The following MTCL1 variants were observed in gnomAD, a reference collection of about 807,000 sequenced individuals.
The protein encoded by MTCL1 is microtubule crosslinking factor 1.
In MTCL1, 79 loss-of-function variants were observed where a neutral mutation model predicts 141.4. That is an observed-to-expected ratio of 0.56 (90% CI 0.47 to 0.67). The LOEUF is 0.67. Among genes scored for constraint, MTCL1 ranks in the 30% least tolerant of loss-of-function variants. MTCL1 has a pLI of 0.00. For synonymous variants in MTCL1, 914 were observed against 875.8 expected, an observed-to-expected ratio of 1.04 and a Z score of -0.77; for missense variants, 2,177 against 2,113.9, an observed-to-expected ratio of 1.03 and a Z score of -0.59.
At chr18:8,725,790 C>CTTTTTTTT (rs796484848) in intron 4 of MTCL1, among the ~76,000 whole-genome samples, 7 of 61,074 alleles carry the variant, frequency 1.1e-4, no homozygotes, top group Non-Finnish European at 1.7e-4. Context: ...TTTTTTTTTT[C>CTTTTTTTT]TTTTTTTTTT....
rs1000871034 is a variant in MTCL1 at position 8,810,969 on chromosome 18, G to A, written c.2605-2010G>A. 6.6e-6 allele frequency among the ~76,000 whole-genome samples: 1 copy of A among 152,098 alleles called. No individual in the cohort carries two copies. The highest frequency in any genetic ancestry group is 6.5e-5 in the Admixed American group (1 of 15,272). On this transcript the variant is annotated intron_variant, in intron 11 of 16. Transcript: ENST00000359865. The surrounding 1 kb of genome is among the most constrained non-coding windows in gnomAD (Gnocchi z 5.0). Reference sequence around the variant, plus strand: ...GCATTTGCCTTTATTACAGAGGCGAGATTCGATGTTAGCTCTCTCCCAGTG... The same window carrying A: ...GCATTTGCCTTTATTACAGAGGCGAAATTCGATGTTAGCTCTCTCCCAGTG...
chr18:8,775,782 C>G lies in MTCL1; in HGVS notation c.358-2051C>G, dbSNP rs142780340. The stretch of plus-strand genomic sequence containing the variant: ...CCTTCTGCAGCTGGGGTTCCTTCCA[C>G]CTTTGTTAGTCAGGGAGCCTGCTGC... On this transcript the variant is annotated intron_variant, in intron 4 of 16. Transcript: ENST00000359865. 3.1e-3 allele frequency among the ~76,000 whole-genome samples: 475 copies of G among 152,234 alleles called. 7 individuals are homozygous for G. Among genetic ancestry groups the G allele is most frequent in the African/African-American group, 0.011 (454 of 41,546 alleles).
chr18:8,751,330 T>C (rs936937820), intron 4 of MTCL1, among the ~76,000 whole-genome samples: 2 of 152,176 alleles, frequency 1.3e-5, no homozygotes, highest in African/African-American at 4.8e-5. Context: ...AAGTTTTGCA[T>C]GCGTAGACAT....
At chr18:8,827,588 C>G (rs2077065711) in intron 15 of MTCL1, among the ~76,000 whole-genome samples, 3 of 152,166 alleles carry the variant, frequency 2.0e-5, no homozygotes, top group Non-Finnish European at 4.4e-5. Flanking sequence ...GCTACTGTTA[C>G]CCCATCCTTC....
At chr18:8,800,640 G>T (rs1033221503) in intron 10 of MTCL1, 1 of 152,216 alleles carries the variant, frequency 6.6e-6, no homozygotes, top group Non-Finnish European at 1.5e-5. Context: ...CTGCGCACAC[G>T]CAAGAGGGAA....
intron 7 of MTCL1, among the ~76,000 whole-genome samples, chr18:8,791,981 T>C (rs1568046057): frequency 6.6e-6 from 1 of 152,222 alleles, no homozygotes; most frequent in Non-Finnish European, 1.5e-5. Flanking sequence ...TCTGCTCTTT[T>C]ATTTTTTGCA....
intron 4 of MTCL1, among the ~76,000 whole-genome samples, chr18:8,738,411 G>C (rs2096284541): frequency 6.6e-6 from 1 of 152,100 alleles, no homozygotes; most frequent in Non-Finnish European, 1.5e-5. Context: ...CATTTTTGTA[G>C]GTACTTTTAA....
At chr18:8,816,647 C>G (rs2076665197) in intron 12 of MTCL1, among the ~76,000 whole-genome samples, 1 of 152,212 alleles carries the variant, frequency 6.6e-6, no homozygotes, top group African/African-American at 2.4e-5. Context: ...GTCATCCATT[C>G]ATTCTCCTTC....
chr18:8,759,775 T>A (rs111616755), intron 4 of MTCL1, among the ~76,000 whole-genome samples: 4 of 152,268 alleles, frequency 2.6e-5, no homozygotes, highest in Admixed American at 6.5e-5. Context: ...ACCAGTAATC[T>A]AGAAAATGCC....
At chr18:8,736,261 A>T (rs2148888805) in intron 4 of MTCL1, among the ~76,000 whole-genome samples, 1 of 152,334 alleles carries the variant, frequency 6.6e-6, no homozygotes, top group Non-Finnish European at 1.5e-5. Flanking sequence ...CATGCATCTT[A>T]AAATCAGTGA....
exon 1 of MTCL1, chr18:8,706,497 T>G: frequency 7.7e-7 from 1 of 1,297,580 alleles, no homozygotes; most frequent in Non-Finnish European, 9.7e-7. Flanking sequence ...CGGGCGCCTG[T>G]CCCGGGGGCC....
At chr18:8,735,511 C>T (rs553618463) in intron 4 of MTCL1, among the ~76,000 whole-genome samples, 10 of 152,198 alleles carry the variant, frequency 6.6e-5, no homozygotes, top group African/African-American at 2.2e-4. Flanking sequence ...CTTCAAAGGC[C>T]GGGTTTCATT....
upstream of MTCL1, among the ~76,000 whole-genome samples, chr18:8,714,032 T>C (rs1190101978): frequency 9.9e-5 from 15 of 152,268 alleles, no homozygotes; most frequent in Admixed American, 9.2e-4. Context: ...ATATGCTTTG[T>C]GTCGTCACTT....
At chr18:8,763,064 A>G (rs1316568471) in intron 4 of MTCL1, among the ~76,000 whole-genome samples, 1 of 152,190 alleles carries the variant, frequency 6.6e-6, no homozygotes, top group Admixed American at 6.6e-5. Flanking sequence ...CAGCTGCACA[A>G]AGAAATTCTT....
At chr18:8,715,085 C>T (rs560073715), upstream of MTCL1, among the ~76,000 whole-genome samples, 5 of 152,154 alleles carry the variant, frequency 3.3e-5, no homozygotes, top group South Asian at 2.1e-4. Context: ...CGTGAGCCAC[C>T]GCACCCGGCC....
At chr18:8,786,759 G>C (rs1034135048) in intron 7 of MTCL1, 1 of 215,800 alleles carries the variant, frequency 4.6e-6, no homozygotes, top group Non-Finnish European at 9.5e-6. Context: ...GAATGAGGAA[G>C]CACCTTTAAA....
At chr18:8,750,071 T>A (rs550929388) in intron 4 of MTCL1, among the ~76,000 whole-genome samples, 1 of 151,982 alleles carries the variant, frequency 6.6e-6, no homozygotes, top group Non-Finnish European at 1.5e-5. Flanking sequence ...TGAGACAGAG[T>A]CTCATTCCAT....
chr18:8,801,379 G>A (rs375056395), intron 10 of MTCL1, among the ~76,000 whole-genome samples: 1 of 150,106 alleles, frequency 6.7e-6, no homozygotes, highest in Admixed American at 6.7e-5. Context: ...AATTTTGTAC[G>A]TCATACCGTG....
At chr18:8,756,461 A>G (rs147557303) in intron 4 of MTCL1, among the ~76,000 whole-genome samples, 6,918 of 138,098 alleles carry the variant, frequency 0.05, 648 homozygotes, top group African/African-American at 0.19. Context: ...ATGTGTATAT[A>G]TGTGTATATG....
Sources: allele counts gnomAD v4.1 joint callset (sites outside exome capture counted in the v4.1 genomes callset), GRCh38; gene constraint gnomAD v4.1.1; non-coding constraint Gnocchi (gnomAD v3.1); transcripts MANE v1.5; gene names NCBI Gene and HGNC (gene_info 2026-07-23, HGNC 2026-07-21).